The following ADAMTSL1 variants were observed in gnomAD, a reference collection of about 807,000 sequenced individuals.
ADAMTSL1 encodes the protein ADAMTS like 1, also known as ADAMTS-like protein 1.
ADAMTSL1 carries 126 observed loss-of-function variants against 201.8 expected under a neutral mutation model. The ratio of observed to expected loss-of-function variants is 0.62; its 90% CI spans 0.54 to 0.72. ADAMTSL1 has a LOEUF of 0.72. Among genes scored for constraint, ADAMTSL1 ranks in the 30% least tolerant of loss-of-function variants. The pLI is 0.00. For missense variants in ADAMTSL1, 2,679 were observed against 2,277.8 expected, an observed-to-expected ratio of 1.18 and a Z score of -3.59; for synonymous variants, 1,121 against 903.4, an observed-to-expected ratio of 1.24 and a Z score of -4.32.
intron 14 of ADAMTSL1, among the ~76,000 whole-genome samples, chr9:18,711,017 T>A (rs1013445174): frequency 2.6e-5 from 4 of 152,188 alleles, no homozygotes; most frequent in African/African-American, 9.7e-5. Context: ...TAAACCTGTA[T>A]ATTTAGTATT....
chr9:17,983,157 G>T (rs555444716), intron 1 of ADAMTSL1, among the ~76,000 whole-genome samples: 197 of 139,344 alleles, frequency 1.4e-3, no homozygotes, highest in African/African-American at 5.1e-3. Flanking sequence ...GCAACCTCCA[G>T]CCTCCTGGGT....
chr9:18,284,195 C>G (rs1832909366), intron 2 of ADAMTSL1, among the ~76,000 whole-genome samples: 1 of 151,868 alleles, frequency 6.6e-6, no homozygotes, highest in Non-Finnish European at 1.5e-5. Flanking sequence ...CACCATTGCA[C>G]TCCAGCCTGG....
chr9:18,106,359 T>C (rs548110094), intron 1 of ADAMTSL1, among the ~76,000 whole-genome samples: 48 of 152,232 alleles, frequency 3.2e-4, no homozygotes, highest in Admixed American at 6.5e-4. Flanking sequence ...AAACATCTTA[T>C]AAAGTGAAAA....
At chr9:18,735,628 C>G (rs1157485429) in intron 15 of ADAMTSL1, among the ~76,000 whole-genome samples, 1 of 152,106 alleles carries the variant, frequency 6.6e-6, no homozygotes, top group Non-Finnish European at 1.5e-5. Context: ...TAGTAAAACC[C>G]CACATGTCAA....
At chr9:18,426,133 A>G (rs774224141) in intron 2 of ADAMTSL1, among the ~76,000 whole-genome samples, 1 of 152,128 alleles carries the variant, frequency 6.6e-6, no homozygotes, top group Non-Finnish European at 1.5e-5. Flanking sequence ...TCAGAATCAT[A>G]TAGATCAGAT....
intron 3 of ADAMTSL1, among the ~76,000 whole-genome samples, chr9:18,544,287 G>T (rs1316159628): frequency 6.6e-6 from 1 of 152,122 alleles, no homozygotes; most frequent in African/African-American, 2.4e-5. Flanking sequence ...TGAAACCACA[G>T]CCCACAGTAT....
intron 4 of ADAMTSL1, among the ~76,000 whole-genome samples, chr9:18,603,392 TATG>T (rs1307581162): frequency 1.5e-5 from 2 of 130,382 alleles, no homozygotes; most frequent in Admixed American, 7.3e-5. Flanking sequence ...TATGCTATGC[TATG>T]CTATGCTATG....
At chr9:18,537,703 T>G (rs77703658) in intron 3 of ADAMTSL1, among the ~76,000 whole-genome samples, 11,238 of 151,800 alleles carry the variant, frequency 0.074, 1,254 homozygotes, top group African/African-American at 0.24. Context: ...TAGCAAGACC[T>G]TGTTTCTACA....
chr9:18,133,152 A>G (rs942486768), intron 1 of ADAMTSL1, among the ~76,000 whole-genome samples: 1 of 152,142 alleles, frequency 6.6e-6, no homozygotes, highest in Non-Finnish European at 1.5e-5. Flanking sequence ...CTCCAGAATT[A>G]AAAAGCTAGG....
intron 2 of ADAMTSL1, among the ~76,000 whole-genome samples, chr9:18,302,891 G>C (rs2132738545): frequency 6.6e-6 from 1 of 152,264 alleles, no homozygotes; most frequent in East Asian, 1.9e-4. Flanking sequence ...TTGAGTGAGT[G>C]CATGGTGTAT....
intron 3 of ADAMTSL1, among the ~76,000 whole-genome samples, chr9:18,552,169 A>G (rs1029606952): frequency 5.3e-5 from 8 of 151,684 alleles, no homozygotes; most frequent in Admixed American, 5.3e-4. Flanking sequence ...TACTTTTTGT[A>G]ATTCCTTAGG....
At position 18,105,659 on chromosome 9, in the gene ADAMTSL1, G is replaced by A. The variant is rs543489104; in HGVS notation, c.88-58203G>A. 2.4e-4 allele frequency among the ~76,000 whole-genome samples: 37 copies of A among 152,256 alleles called. No homozygotes were observed. The South Asian group carries it at 6.8e-3, about 28-fold the overall frequency. ...AAAGAGTGCTTTGCAGACCTTACCC[G>A]TAATGCCAAATGCAATAAAGGATAT... On this transcript the variant is annotated intron_variant, in intron 1 of 29. Coordinates refer to the ADAMTSL1 transcript ENST00000680146.
chr9:18,828,675 TA>T (rs1824764128), intron 22 of ADAMTSL1, among the ~76,000 whole-genome samples: 2 of 90,450 alleles, frequency 2.2e-5, no homozygotes, highest in Non-Finnish European at 4.3e-5. Context: ...TATATATATA[TA>T]TATATATATA....
intron 10 of ADAMTSL1, among the ~76,000 whole-genome samples, chr9:18,679,504 C>T (rs1286704473): frequency 1.3e-5 from 2 of 151,958 alleles, no homozygotes; most frequent in Non-Finnish European, 2.9e-5. Flanking sequence ...AAAAAAAAAT[C>T]AATGGAAGTC....
chr9:18,695,599 AGTGCCTGAG>A (rs1221934768), intron 13 of ADAMTSL1, among the ~76,000 whole-genome samples: 1 of 152,178 alleles, frequency 6.6e-6, no homozygotes, highest in Non-Finnish European at 1.5e-5. Context: ...AAGGTTCCAC[AGTGCCTGAG>A]GTGCCTGAGA....
chr9:18,227,577 A>T (rs1563820824), intron 2 of ADAMTSL1, among the ~76,000 whole-genome samples: 2 of 152,192 alleles, frequency 1.3e-5, no homozygotes, highest in Non-Finnish European at 2.9e-5. Flanking sequence ...TCTATGCAAG[A>T]TGGCCATTTG....
At chr9:18,878,268 T>A (rs187540937) in intron 23 of ADAMTSL1, among the ~76,000 whole-genome samples, 146 of 151,996 alleles carry the variant, frequency 9.6e-4, no homozygotes, top group African/African-American at 3.3e-3. Flanking sequence ...TGTGCTCCTA[T>A]CTGCACTCCC....
At chr9:18,719,171 A>G (rs999532149) in intron 14 of ADAMTSL1, among the ~76,000 whole-genome samples, 2 of 152,220 alleles carry the variant, frequency 1.3e-5, no homozygotes, top group African/African-American at 4.8e-5. Flanking sequence ...AGTCAGCATT[A>G]CAGAATATGA....
At chr9:18,306,214 G>A (rs535093972) in intron 2 of ADAMTSL1, among the ~76,000 whole-genome samples, 2 of 152,312 alleles carry the variant, frequency 1.3e-5, no homozygotes, top group South Asian at 4.2e-4. Context: ...ACCAAAGGAA[G>A]ATAAATACAC....
Sources: gnomAD v4.1 joint callset for allele counts (sites outside exome capture counted in the v4.1 genomes callset) on GRCh38, gnomAD v4.1.1 for gene constraint, MANE v1.5 for transcripts, NCBI Gene and HGNC (gene_info 2026-07-23, HGNC 2026-07-21) for gene names.